CYTIP: variants seen among roughly 807,000 people sequenced by gnomAD.
CYTIP encodes the protein cytohesin-interacting protein.
CYTIP carries 26 observed loss-of-function variants against 43.8 expected under a neutral mutation model. That is an observed-to-expected ratio of 0.59 (90% confidence interval 0.44 to 0.82). The LOEUF is 0.82. CYTIP is among the 40% of genes least tolerant of loss of function. The pLI, the probability that CYTIP is intolerant of heterozygous loss-of-function variation, is 0.00. For synonymous variants in CYTIP, 162 were observed against 162.9 expected (o/e 0.99, Z 0.04); for missense variants, 426 against 443.1 (o/e 0.96, Z 0.35).
At chr2:157,440,790 T>C (rs966060277) in intron 1 of CYTIP, among the ~76,000 whole-genome samples, 4 of 152,346 alleles carry the variant, frequency 2.6e-5, no homozygotes, top group South Asian at 2.1e-4. Flanking sequence ...GTTCTCACTA[T>C]AGCATTCTGT....
rs774340984 is a variant in CYTIP, at chr2:157,427,317, G to A, written c.546+34C>T. ...TTTTACCACTCACACATTCAAGGAT[G>A]AAAAATGTGCCTCACTGCATTAAAT... On this transcript the variant is annotated intron_variant, in intron 6 of 7. Transcript: ENST00000264192. 1.4e-5 allele frequency: 22 copies of A among 1,557,018 alleles called. No homozygotes were observed. In the African/African-American group the frequency reaches 2.5e-4, roughly 18 times the overall value.
intron 6 of CYTIP, among the ~76,000 whole-genome samples, chr2:157,421,347 T>C (rs1393778821): frequency 2.0e-5 from 3 of 152,210 alleles, no homozygotes; most frequent in African/African-American, 7.2e-5. Context: ...CTCTCAGCTA[T>C]CACACATTTG....
At chr2:157,425,407 A>G (rs1685588119) in intron 6 of CYTIP, among the ~76,000 whole-genome samples, 1 of 152,204 alleles carries the variant, frequency 6.6e-6, no homozygotes, top group African/African-American at 2.4e-5. Context: ...ACTACCAGCT[A>G]TAGAACAAAA....
At chr2:157,432,442 T>C (rs1685727495) in intron 3 of CYTIP, among the ~76,000 whole-genome samples, 1 of 152,224 alleles carries the variant, frequency 6.6e-6, no homozygotes, top group South Asian at 2.1e-4. Flanking sequence ...GATCTCATTG[T>C]CCTTTCTCAT....
At position 157,422,506 on chromosome 2, in the gene CYTIP, T is replaced by G. The variant is rs1025479952; in HGVS notation, c.547-3917A>C. 4.6e-5 allele frequency among the ~76,000 whole-genome samples: 7 copies of G among 151,782 alleles called. No individual in the cohort carries two copies. The East Asian group carries it at 1.2e-3, about 25-fold the overall frequency. ...AACATGGTGAAAATCCTGTCTCTAC[T>G]AAAAATACAAAAAGTTAGCCAGGCG... On this transcript the variant is annotated intron_variant, in intron 6 of 7. Coordinates refer to ENST00000264192, the MANE Select transcript of CYTIP (RefSeq NM_004288.5).
chr2:157,433,451 AT>A (rs1382873665), intron 3 of CYTIP, among the ~76,000 whole-genome samples: 1 of 152,244 alleles, frequency 6.6e-6, no homozygotes, highest in Non-Finnish European at 1.5e-5. Context: ...TAATCTTAAA[AT>A]AAACACTGAC....
At chr2:157,421,298 G>A (rs1350204634) in intron 6 of CYTIP, among the ~76,000 whole-genome samples, 1 of 152,180 alleles carries the variant, frequency 6.6e-6, no homozygotes, top group African/African-American at 2.4e-5. Flanking sequence ...GTAAATAATG[G>A]TTGAATGAAT....
At position 157,440,826 on chromosome 2, in the gene CYTIP, A is replaced by T. The variant is rs369592441; in HGVS notation, c.174+3021T>A. Among the ~76,000 whole-genome samples, 7 of 152,296 alleles carry T rather than the reference A, an allele frequency of 4.6e-5. No individual in the cohort carries two copies. In the East Asian group the frequency reaches 7.7e-4, roughly 17 times the overall value. On this transcript the variant is annotated intron_variant, in intron 1 of 7. Coordinates refer to ENST00000264192, the MANE Select transcript of CYTIP (RefSeq NM_004288.5). The stretch of plus-strand genomic sequence containing the variant: ...AAAAACTGCTTTCCAAAAGCAACGT[A>T]CTACATTTATGAGAGTGGGTGGTAA...
Position 157,443,897 on chromosome 2 carries a change from T to A in CYTIP, c.124A>T (p.Ile42Phe), listed in dbSNP as rs747407078. The change falls in exon 1 of 8, where the codon ATT becomes TTT. Residue 42 changes from isoleucine to phenylalanine, a missense_variant. Transcript: ENST00000264192. Reference sequence around the variant, plus strand: ...GCCACCGTGTCTGCTAGCATTTGAATCCTTCTATTATCGTCCATCGTAAGG... The same window carrying A: ...GCCACCGTGTCTGCTAGCATTTGAAACCTTCTATTATCGTCCATCGTAAGG... ...GSLTMDDNRR[I>F]QMLADTVATL... 26 of 1,614,016 alleles carry A rather than the reference T, an allele frequency of 1.6e-5. No individual in the cohort carries two copies. The East Asian group carries it at 5.8e-4, about 36-fold the overall frequency.
rs1436361971 is a variant in CYTIP, at chr2:157,419,356, G to A, written c.547-767C>T. Among the ~76,000 whole-genome samples the A allele has an allele frequency of 7.2e-5, 11 of 152,216 alleles. 1 individual carries two copies. In the South Asian group the frequency reaches 1.0e-3, roughly 14 times the overall value. On this transcript the variant is annotated intron_variant, in intron 6 of 7. Transcript: ENST00000264192. The stretch of plus-strand genomic sequence containing the variant: ...GAACTATCTGAAATGCTTCCTTAGC[G>A]GGCTAAACTTAGAACACTGCTAAGC...
intron 1 of CYTIP, among the ~76,000 whole-genome samples, chr2:157,438,698 A>T (rs151130320): frequency 3.3e-5 from 5 of 152,282 alleles, no homozygotes; most frequent in African/African-American, 1.2e-4. Context: ...AAAACCAAAA[A>T]ATTTTAAATG....
chr2:157,434,849 T>TCTCA (rs1256043480), intron 1 of CYTIP, 102 bp from the exon 2 acceptor site: 84 of 48,728 alleles, frequency 1.7e-3, no homozygotes, highest in Non-Finnish European at 2.4e-3. Context: ...TCTCTCTCTC[T>TCTCA]CACACACACA....
chr2:157,427,021 A>G (rs545704975), intron 6 of CYTIP, among the ~76,000 whole-genome samples: 42 of 152,336 alleles, frequency 2.8e-4, no homozygotes, highest in African/African-American at 9.9e-4. Flanking sequence ...TGGGAAAATA[A>G]TGACCTTTTT....
chr2:157,426,466 T>A (rs79824692), intron 6 of CYTIP, among the ~76,000 whole-genome samples: 8,939 of 152,188 alleles, frequency 0.059, 348 homozygotes, highest in Admixed American at 0.11. Flanking sequence ...GAGTTGGATG[T>A]GGAGGAAGAA....
intron 6 of CYTIP, among the ~76,000 whole-genome samples, chr2:157,424,391 T>C (rs1685570580): frequency 6.6e-6 from 1 of 152,112 alleles, no homozygotes; most frequent in African/African-American, 2.4e-5. Context: ...TAACAGAAGA[T>C]GTATAAGACC....
intron 5 of CYTIP, among the ~76,000 whole-genome samples, chr2:157,429,590 T>C (rs1157077801): frequency 6.6e-6 from 1 of 152,162 alleles, no homozygotes. Flanking sequence ...GCTGGAAACA[T>C]AGTATTTGCT....
Position 157,427,429 on chromosome 2 carries a change from AG to A in CYTIP, c.477-10del. On this transcript the variant is annotated splice_polypyrimidine_tract_variant and intron_variant, in intron 5 of 7. Transcript: ENST00000264192. ...CATTAAGAGTCTCTATCCTGTTTTA[AG>A]GAAAAAAAAAAGAAGAGGAAGGTGG... 1 of 1,585,342 alleles carries A rather than the reference AG, an allele frequency of 6.3e-7. No homozygotes were observed. Among genetic ancestry groups the A allele is most frequent in the South Asian group, 1.2e-5 (1 of 86,290 alleles).
intron 3 of CYTIP, among the ~76,000 whole-genome samples, chr2:157,433,910 T>C (rs1159587394): frequency 6.6e-6 from 1 of 152,214 alleles, no homozygotes; most frequent in Non-Finnish European, 1.5e-5. Context: ...CCAGGAGCTA[T>C]CCATGAATAT....
rs1466471692 is a variant in CYTIP, at chr2:157,416,066, C to T, written c.691G>A (p.Gly231Ser). 4.3e-6 allele frequency: 7 copies of T among 1,614,050 alleles called. No homozygotes were observed. The South Asian group carries it at 6.6e-5, about 15-fold the overall frequency. The part of the protein sequence containing the change: ...LSLFGPLPGP[G>S]PALVDRNRLS... Reference sequence around the variant, plus strand: ...CGATTCCGGTCCACAAGGGCTGGGCCTGGCCCAGGCAGGGGTCCAAACAAA... The same window carrying T: ...CGATTCCGGTCCACAAGGGCTGGGCTTGGCCCAGGCAGGGGTCCAAACAAA... Residue 231 changes from glycine to serine, a missense_variant, in exon 8 of 8, where the codon GGC becomes AGC. Gly to Ser is a moderately conservative substitution (Grantham distance 56, BLOSUM62 0). Coordinates refer to ENST00000264192, the MANE Select transcript of CYTIP (RefSeq NM_004288.5).
Sources: allele counts gnomAD v4.1 joint callset (sites outside exome capture counted in the v4.1 genomes callset), GRCh38; gene constraint gnomAD v4.1.1; transcripts MANE v1.5; gene names NCBI Gene and HGNC (gene_info 2026-07-23, HGNC 2026-07-21).